The following SDHAF3 variants were observed in gnomAD, a reference collection of about 807,000 sequenced individuals.
SDHAF3 encodes the protein succinate dehydrogenase complex assembly factor 3.
Under a neutral mutation model 11.5 loss-of-function variants are expected in SDHAF3, and 18 were observed. The observed-to-expected ratio is 1.56, with a 90% CI of 1.08 to 2.32. The LOEUF is 2.32. Among genes scored for constraint, SDHAF3 ranks in the 30% most tolerant of loss-of-function variants. The pLI, the probability that SDHAF3 is intolerant of heterozygous loss-of-function variation, is 0.00. For synonymous variants in SDHAF3, 72 were observed against 59.3 expected (o/e 1.21, Z -0.99); for missense variants, 200 against 154.4 (o/e 1.30, Z -1.57).
Position 97,142,042 on chromosome 7 carries a change from C to CTTTTTTTTTTTTTT in SDHAF3, c.174+24161_174+24174dup, listed in dbSNP as rs71131003. On this transcript the variant is annotated intron_variant, in intron 1 of 1. Transcript: ENST00000432641. ...AGCAATGAAATGTGTGAATTGTTGTCTTTTTTTTTTTTTTTTTTTTTTTTT... is the reference window on the plus strand; with the variant it reads ...AGCAATGAAATGTGTGAATTGTTGTCTTTTTTTTTTTTTTTTTTTTTTTTTTTTTTTTTTTTTTT... Among the ~76,000 whole-genome samples the CTTTTTTTTTTTTTT allele has an allele frequency of 3.1e-4, 19 of 61,694 alleles. 6 individuals are homozygous for CTTTTTTTTTTTTTT. The East Asian group carries it at 6.1e-3, about 20-fold the overall frequency. The allele number at this position is 61,694 out of a possible 152,430, so 40.5% of individuals were successfully genotyped here. A position where few individuals can be genotyped will look rare whatever the true frequency, so the allele number is the denominator to read the frequency against.
chr7:97,165,069 G>A (rs1451059560), intron 1 of SDHAF3, among the ~76,000 whole-genome samples: 1 of 152,072 alleles, frequency 6.6e-6, no homozygotes, highest in Non-Finnish European at 1.5e-5. Flanking sequence ...CAGATCACGA[G>A]GTCAGGAGAT....
intron 1 of SDHAF3, among the ~76,000 whole-genome samples, chr7:97,169,608 A>C (rs1429833596): frequency 6.6e-6 from 1 of 152,112 alleles, no homozygotes; most frequent in Non-Finnish European, 1.5e-5. Context: ...ATTTGAATGC[A>C]TCATGTCCTT....
At chr7:97,149,114 T>G (rs1789179867) in intron 1 of SDHAF3, among the ~76,000 whole-genome samples, 1 of 152,012 alleles carries the variant, frequency 6.6e-6, no homozygotes, top group Admixed American at 6.6e-5. Context: ...CTATTTTTTT[T>G]GTAGAGACAT....
intron 1 of SDHAF3, chr7:97,142,890 CTTTT>C (rs35198717): frequency 5.7e-5 from 5 of 87,086 alleles, no homozygotes; most frequent in Non-Finnish European, 9.1e-5. Context: ...TTCTTAAATT[CTTTT>C]TTTTTTTTTT....
chr7:97,178,182 G>A (rs1322917320), intron 1 of SDHAF3, among the ~76,000 whole-genome samples: 1 of 152,088 alleles, frequency 6.6e-6, no homozygotes, highest in Non-Finnish European at 1.5e-5. Flanking sequence ...TGGCTTCTTA[G>A]CATAATCTTT....
At chr7:97,155,379 C>G (rs1789286291) in intron 1 of SDHAF3, among the ~76,000 whole-genome samples, 1 of 152,142 alleles carries the variant, frequency 6.6e-6, no homozygotes, top group Non-Finnish European at 1.5e-5. Context: ...GACTCCTGTG[C>G]ATACTGGTCC....
chr7:97,171,133 TTTGTTTTTGCTCCTCTAGG>T (rs1313188917), intron 1 of SDHAF3, among the ~76,000 whole-genome samples: 1 of 152,092 alleles, frequency 6.6e-6, no homozygotes, highest in Non-Finnish European at 1.5e-5. Context: ...AGGAGTGTTT[TTTGTTTTTGCTCCTCTAGG>T]AGGCATGATA....
At chr7:97,127,047 C>CCCCTCA (rs953323959) in intron 1 of SDHAF3, among the ~76,000 whole-genome samples, 9 of 152,236 alleles carry the variant, frequency 5.9e-5, no homozygotes, top group Non-Finnish European at 1.3e-4. Flanking sequence ...GGAAAGGGAG[C>CCCCTCA]CCCTCACCTC....
At chr7:97,140,186 A>G (rs1044624936) in intron 1 of SDHAF3, among the ~76,000 whole-genome samples, 1 of 152,086 alleles carries the variant, frequency 6.6e-6, no homozygotes, top group African/African-American at 2.4e-5. Context: ...ATTTGGCTTA[A>G]TGTTTTACTG....
intron 1 of SDHAF3, among the ~76,000 whole-genome samples, chr7:97,161,347 C>G (rs1322801094): frequency 6.6e-6 from 1 of 152,162 alleles, no homozygotes; most frequent in East Asian, 1.9e-4. Context: ...TCTATATAGT[C>G]TATGGGACTC....
intron 1 of SDHAF3, among the ~76,000 whole-genome samples, chr7:97,138,634 C>T (rs1788970857): frequency 6.6e-6 from 1 of 152,164 alleles, no homozygotes; most frequent in Non-Finnish European, 1.5e-5. Flanking sequence ...ATTAACCATT[C>T]TAAGCCTTGG....
intron 1 of SDHAF3, among the ~76,000 whole-genome samples, chr7:97,157,727 A>T (rs1026459764): frequency 1.3e-5 from 2 of 152,160 alleles, no homozygotes; most frequent in African/African-American, 4.8e-5. Context: ...CAAATGTCCA[A>T]CAATGATAGA....
chr7:97,133,915 AACAC>A (rs1229770060), intron 1 of SDHAF3, among the ~76,000 whole-genome samples: 2 of 152,144 alleles, frequency 1.3e-5, no homozygotes, highest in African/African-American at 2.4e-5. Context: ...CATTGTTATA[AACAC>A]ACAAACAAAA....
At chr7:97,147,561 G>T (rs540225037) in intron 1 of SDHAF3, among the ~76,000 whole-genome samples, 42 of 152,284 alleles carry the variant, frequency 2.8e-4, no homozygotes, top group Middle Eastern at 3.4e-3. Context: ...AGGCTCCAGG[G>T]TTTCTAAAAT....
chr7:97,133,548 GT>G (rs1313186983), intron 1 of SDHAF3, among the ~76,000 whole-genome samples: 2 of 152,136 alleles, frequency 1.3e-5, no homozygotes, highest in Non-Finnish European at 2.9e-5. Context: ...CATATTGTAA[GT>G]TTGCCCTCAA....
At position 97,142,042 on chromosome 7, in the gene SDHAF3, C is replaced by CTTTTTTTTTTTTTTTTTT. The variant is rs71131003; in HGVS notation, c.174+24157_174+24174dup. On this transcript the variant is annotated intron_variant, in intron 1 of 1. Coordinates refer to ENST00000432641, the MANE Select transcript of SDHAF3 (RefSeq NM_020186.3). Reference sequence around the variant, plus strand: ...AGCAATGAAATGTGTGAATTGTTGTCTTTTTTTTTTTTTTTTTTTTTTTTT... The same window carrying CTTTTTTTTTTTTTTTTTT: ...AGCAATGAAATGTGTGAATTGTTGTCTTTTTTTTTTTTTTTTTTTTTTTTTTTTTTTTTTTTTTTTTTT... Among the ~76,000 whole-genome samples, 2 of 61,694 alleles carry CTTTTTTTTTTTTTTTTTT rather than the reference C, an allele frequency of 3.2e-5. 1 individual carries two copies. The highest frequency in any genetic ancestry group is 1.3e-4 in the African/African-American group (2 of 15,992). The allele number at this position is 61,694 out of a possible 152,430, so 40.5% of individuals were successfully genotyped here.
intron 1 of SDHAF3, among the ~76,000 whole-genome samples, chr7:97,141,417 C>A (rs1418912365): frequency 1.3e-5 from 2 of 152,156 alleles, no homozygotes; most frequent in East Asian, 1.9e-4. Context: ...CAGGGGGCAT[C>A]ACGGAACCTG....
chr7:97,141,534 AC>A (rs1789041126), intron 1 of SDHAF3, among the ~76,000 whole-genome samples: 1 of 152,170 alleles, frequency 6.6e-6, no homozygotes, highest in Admixed American at 6.5e-5. Context: ...ATAGAAAAGA[AC>A]CTACATGAAA....
intron 1 of SDHAF3, among the ~76,000 whole-genome samples, chr7:97,145,315 A>G (rs1406448821): frequency 1.3e-5 from 2 of 152,090 alleles, no homozygotes; most frequent in African/African-American, 4.8e-5. Flanking sequence ...TATCTGAAGT[A>G]GTATTTGTCT....
Sources: gnomAD v4.1 joint callset for allele counts (sites outside exome capture counted in the v4.1 genomes callset) on GRCh38, gnomAD v4.1.1 for gene constraint, MANE v1.5 for transcripts, NCBI Gene and HGNC (gene_info 2026-07-23, HGNC 2026-07-21) for gene names.